Variants in SDK2 observed in about 807,000 individuals in gnomAD.
SDK2 encodes sidekick cell adhesion molecule 2.
In SDK2, 105 loss-of-function variants were observed where a neutral mutation model predicts 253.9. The observed-to-expected ratio is 0.41, with a 90% CI of 0.35 to 0.49. The LOEUF (loss-of-function observed/expected upper bound fraction) is 0.49. Ranked by LOEUF, SDK2 falls within the 20% of genes least tolerant of loss-of-function variation. SDK2 has a pLI of 0.06. For missense variants in SDK2, 2,608 were observed against 3,003.0 expected (o/e 0.87, Z 3.07); for synonymous variants, 1,249 against 1,234.9 (o/e 1.01, Z -0.24).
rs924444286 is a variant in SDK2 at position 73,379,400 on chromosome 17, G to A, written c.4864+48C>T. ...CCCGTTTCTTCCAGCTGAACTGGGT[G>A]GGGCTGGGAAAGGCATGCTGGGGCC... is the stretch of plus-strand genomic sequence containing the variant. On this transcript the variant is annotated intron_variant, in intron 35 of 44. Transcript: ENST00000392650. The surrounding 1 kb of genome is among the most constrained non-coding windows in gnomAD (Gnocchi z 4.5). 4 of 1,536,446 alleles carry A rather than the reference G, an allele frequency of 2.6e-6. No individual in the cohort carries two copies. The highest frequency in any genetic ancestry group is 3.6e-6 in the Non-Finnish European group (4 of 1,121,130).
chr17:73,366,397 C>T lies in SDK2; in HGVS notation c.5168-1002G>A, dbSNP rs368076016. 1.3e-3 allele frequency among the ~76,000 whole-genome samples: 198 copies of T among 152,244 alleles called. 6 individuals are homozygous for T. The South Asian group carries it at 0.04, about 31-fold the overall frequency. On this transcript the variant is annotated intron_variant, in intron 37 of 44. Coordinates refer to ENST00000392650, the MANE Select transcript of SDK2 (RefSeq NM_001144952.2). ...AGCAGCTCACGCTCATTCTGGCCAC[C>T]GTCAGACCCTGGGGGTAGTGGAGGG... is the stretch of plus-strand genomic sequence containing the variant.
intron 29 of SDK2, among the ~76,000 whole-genome samples, chr17:73,389,208 C>T (rs1467904542): frequency 3.5e-5 from 4 of 113,680 alleles, no homozygotes; most frequent in African/African-American, 1.1e-4. Context: ...TTTTTTGAGA[C>T]GGTCTTGCTC....
At chr17:73,370,326 T>C (rs2062724080) in intron 36 of SDK2, among the ~76,000 whole-genome samples, 1 of 152,184 alleles carries the variant, frequency 6.6e-6, no homozygotes, top group African/African-American at 2.4e-5. Flanking sequence ...CACTGCAGCC[T>C]CAACCACCTG....
chr17:73,441,807 A>C (rs758536560), intron 5 of SDK2, among the ~76,000 whole-genome samples: 2 of 152,110 alleles, frequency 1.3e-5, no homozygotes, highest in Admixed American at 6.5e-5. Context: ...CAGGAACCTC[A>C]TGGGTCTTTG....
intron 1 of SDK2, among the ~76,000 whole-genome samples, chr17:73,621,525 T>C (rs1023381034): frequency 6.6e-6 from 1 of 152,138 alleles, no homozygotes; most frequent in African/African-American, 2.4e-5. Context: ...TTTCATGCAA[T>C]AAATGACAAT....
intron 30 of SDK2, among the ~76,000 whole-genome samples, chr17:73,386,761 C>T (rs2062876047): frequency 6.6e-6 from 1 of 152,212 alleles, no homozygotes; most frequent in South Asian, 2.1e-4. Context: ...GCACCTAGAC[C>T]AGGTCCTCCA....
intron 2 of SDK2, among the ~76,000 whole-genome samples, chr17:73,495,200 T>C (rs553743066): frequency 2.0e-3 from 303 of 152,224 alleles, no homozygotes; most frequent in Middle Eastern, 0.014. Context: ...CCTGACCCCA[T>C]GTGCCAGGGC....
At position 73,433,778 on chromosome 17, in the gene SDK2, T is replaced by A; in HGVS notation, c.1266A>T (p.Ala422=). 6.2e-7 allele frequency: 1 copy of A among 1,608,576 alleles called. No individual in the cohort carries two copies. Among genetic ancestry groups the A allele is most frequent in the Non-Finnish European group, 8.5e-7 (1 of 1,177,466 alleles). The part of the protein sequence containing the change: ...TVIDGMSVVL[A]CETSGAPRPA... ...GTCGGGGCGCCCCCGAGGTCTCACA[T>A]GCTAGCACCACTGACATGCCATCGA... is the stretch of plus-strand genomic sequence containing the variant. The change falls in exon 10 of 45, where the codon GCA becomes GCT. Residue 422 remains alanine, a synonymous_variant. Transcript: ENST00000392650.
In SDK2 at chr17:73,416,417, G is replaced by A. The variant is rs145622151; in HGVS notation, c.2187-425C>T. ...TCACCATGTTGGCCAGGATGGTCTC[G>A]AACTCCTGACCTCAGGTGATCTGCC... On this transcript the variant is annotated intron_variant, in intron 16 of 44. Transcript: ENST00000392650. 5.8e-3 allele frequency among the ~76,000 whole-genome samples: 885 copies of A among 151,936 alleles called. 10 individuals carry two copies. Among genetic ancestry groups the A allele is most frequent in the African/African-American group, 0.02 (824 of 41,442 alleles).
chr17:73,549,083 C>G (rs953621045), intron 1 of SDK2, among the ~76,000 whole-genome samples: 1 of 152,218 alleles, frequency 6.6e-6, no homozygotes, highest in Non-Finnish European at 1.5e-5. Flanking sequence ...GCACCAGCAG[C>G]CCCCACCCTG....
chr17:73,539,804 G>A (rs1459073963), intron 1 of SDK2, among the ~76,000 whole-genome samples: 1 of 104,560 alleles, frequency 9.6e-6, no homozygotes, highest in East Asian at 2.8e-4. Context: ...AGAGAACGTG[G>A]GCAGAGACAC....
rs567215072 is a variant in SDK2, at chr17:73,352,305, G to C, written c.5758+168C>G. Among the ~76,000 whole-genome samples, 2 of 152,250 alleles carry C rather than the reference G, an allele frequency of 1.3e-5. No homozygotes were observed. The highest frequency in any genetic ancestry group is 4.2e-4 in the South Asian group (2 of 4,814). On this transcript the variant is annotated intron_variant, in intron 41 of 44. Coordinates refer to ENST00000392650, the MANE Select transcript of SDK2 (RefSeq NM_001144952.2). This position sits in a 1 kb window ranked among gnomAD's most constrained non-coding sequence, Gnocchi z 4.1. ...CCTCTGGTCTTGAGGGCTGACCCAG[G>C]CCTGGGCACCAGCACTTGCCTCTTC...
chr17:73,398,267 CA>C, intron 23 of SDK2, 52 bp downstream of exon 23: 3 of 1,603,850 alleles, frequency 1.9e-6, no homozygotes, highest in Non-Finnish European at 1.7e-6. Flanking sequence ...CCATAGCCCC[CA>C]CCCACCCCCA....
intron 14 of SDK2, among the ~76,000 whole-genome samples, chr17:73,423,160 G>T (rs1441018662): frequency 6.6e-6 from 1 of 152,212 alleles, no homozygotes; most frequent in Non-Finnish European, 1.5e-5. Context: ...GCTGTGCCAG[G>T]CCCTGAGTTA....
chr17:73,410,672 G>A (rs1430294126), intron 18 of SDK2, among the ~76,000 whole-genome samples: 1 of 152,188 alleles, frequency 6.6e-6, no homozygotes, highest in South Asian at 2.1e-4. Flanking sequence ...AAATGTGAGC[G>A]AAGCATTTAG....
intron 2 of SDK2, among the ~76,000 whole-genome samples, chr17:73,478,650 AT>A (rs2063702392): frequency 6.6e-6 from 1 of 152,216 alleles, no homozygotes; most frequent in Non-Finnish European, 1.5e-5. Flanking sequence ...AGGGGGGACA[AT>A]AACAGCCTAA....
chr17:73,643,980 C>G lies in SDK2; in HGVS notation c.64+45G>C. 1 of 1,323,480 alleles carries G rather than the reference C, an allele frequency of 7.6e-7. No individual in the cohort carries two copies. The highest frequency in any genetic ancestry group is 1.0e-6 in the Non-Finnish European group (1 of 952,552). The allele number at this position is 1,323,480 out of a possible 1,614,324, so 82.0% of individuals were successfully genotyped here. A position where few individuals can be genotyped will look rare whatever the true frequency, so the allele number is the denominator to read the frequency against. On this transcript the variant is annotated intron_variant, in intron 1 of 44. Transcript: ENST00000392650. The surrounding 1 kb of genome is among the most constrained non-coding windows in gnomAD (Gnocchi z 6.9). ...GCTCCCGCCGCCCCTCCCCCGCCCA[C>G]TCTCCCAGCCCCCTCCCTGTCCCCA...
intron 1 of SDK2, among the ~76,000 whole-genome samples, chr17:73,581,024 C>T (rs2045527772): frequency 2.0e-5 from 3 of 151,864 alleles, no homozygotes; most frequent in African/African-American, 7.3e-5. Flanking sequence ...ACTGGGACCA[C>T]ATGCCCAGCT....
chr17:73,429,355 T>C (rs874707), intron 12 of SDK2, among the ~76,000 whole-genome samples: 80,993 of 152,142 alleles, frequency 0.53, 22,060 homozygotes, highest in East Asian at 0.68. Flanking sequence ...AATACATCTA[T>C]GTACATTTTT....
Sources: allele counts gnomAD v4.1 joint callset (sites outside exome capture counted in the v4.1 genomes callset), GRCh38; gene constraint gnomAD v4.1.1; non-coding constraint Gnocchi (gnomAD v3.1); transcripts MANE v1.5; gene names NCBI Gene and HGNC (gene_info 2026-07-23, HGNC 2026-07-21).